FGF12: variants seen among roughly 807,000 people sequenced by gnomAD.
FGF12 encodes the protein fibroblast growth factor 12.
FGF12 carries 14 observed loss-of-function variants against 23.6 expected under a neutral mutation model. That is an observed-to-expected ratio of 0.59 (90% CI 0.39 to 0.93). The LOEUF (loss-of-function observed/expected upper bound fraction) is 0.93. Ranked by LOEUF, FGF12 falls within the 40% of genes least tolerant of loss-of-function variation. The pLI is 0.00. For missense variants in FGF12, 175 were observed against 217.8 expected (o/e 0.80, Z 1.24); for synonymous variants, 62 against 77.3 (o/e 0.80, Z 1.04).
In FGF12 at chr3:192,258,658, A is replaced by G. The variant is rs13077148; in HGVS notation, c.228+76703T>C. ...GATTTAAAGGTTTTTGAAGCATTTT[A>G]TTTTTATACTATTAAAGAAAGTATA... is the stretch of plus-strand genomic sequence containing the variant. On this transcript the variant is annotated intron_variant, in intron 4 of 5. Coordinates refer to ENST00000445105, the MANE Select transcript of FGF12 (RefSeq NM_004113.6). Among the ~76,000 whole-genome samples, 2,464 of 152,212 alleles carry G rather than the reference A, an allele frequency of 0.016. 208 individuals are homozygous for G. In the East Asian group the frequency reaches 0.23, roughly 14 times the overall value.
intron 5 of FGF12, among the ~76,000 whole-genome samples, chr3:192,167,772 A>AAAAT (rs1715301623): frequency 6.5e-5 from 1 of 15,396 alleles, no homozygotes; most frequent in African/African-American, 2.2e-4. Flanking sequence ...TATATATAAA[A>AAAAT]TTTTTTTTTT....
At chr3:192,567,813 T>TTCTC (rs71635390) in intron 2 of FGF12, among the ~76,000 whole-genome samples, 1 of 145,994 alleles carries the variant, frequency 6.8e-6, no homozygotes, top group Non-Finnish European at 1.5e-5. Flanking sequence ...CTTTCTTTCT[T>TTCTC]TCTCTCTCTC....
At chr3:192,654,072 T>C (rs1000137862) in intron 2 of FGF12, among the ~76,000 whole-genome samples, 2 of 152,206 alleles carry the variant, frequency 1.3e-5, no homozygotes, top group Non-Finnish European at 2.9e-5. Flanking sequence ...ACTTCACAAA[T>C]ATTTAATGTT....
At chr3:192,297,709 G>A (rs750320866) in intron 4 of FGF12, among the ~76,000 whole-genome samples, 50 of 152,276 alleles carry the variant, frequency 3.3e-4, no homozygotes, top group Non-Finnish European at 3.4e-4. Flanking sequence ...GCAAGAAATG[G>A]TTTGGATAAG....
chr3:192,186,687 G>A (rs1481546147), intron 4 of FGF12, among the ~76,000 whole-genome samples: 1 of 151,896 alleles, frequency 6.6e-6, no homozygotes, highest in Non-Finnish European at 1.5e-5. Context: ...TCATGCTCTT[G>A]CAAAAAAATA....
At chr3:192,527,204 G>A (rs1008700417) in intron 2 of FGF12, among the ~76,000 whole-genome samples, 2 of 152,138 alleles carry the variant, frequency 1.3e-5, no homozygotes, top group East Asian at 3.8e-4. Flanking sequence ...GCTATGATAT[G>A]ACACAGCAAA....
At chr3:192,428,052 T>C (rs1318023429) in intron 2 of FGF12, among the ~76,000 whole-genome samples, 1 of 152,224 alleles carries the variant, frequency 6.6e-6, no homozygotes, top group East Asian at 1.9e-4. Flanking sequence ...TTGGGTCAGG[T>C]AGAAAATGCT....
At chr3:192,427,238 G>A (rs932387851) in intron 2 of FGF12, among the ~76,000 whole-genome samples, 13 of 151,988 alleles carry the variant, frequency 8.6e-5, no homozygotes, top group Non-Finnish European at 1.5e-4. Context: ...AAAATTAGCC[G>A]GATGTGGTGG....
chr3:192,233,965 C>G (rs1259082085), intron 4 of FGF12, among the ~76,000 whole-genome samples: 1 of 152,064 alleles, frequency 6.6e-6, no homozygotes, highest in Non-Finnish European at 1.5e-5. Context: ...TTACTGTCAC[C>G]CTGTAATATA....
intron 4 of FGF12, among the ~76,000 whole-genome samples, chr3:192,204,197 A>G (rs1392437917): frequency 6.6e-6 from 1 of 152,168 alleles, no homozygotes; most frequent in African/African-American, 2.4e-5. Flanking sequence ...AGCCCCACAC[A>G]CGGCAGATCT....
At position 192,399,655 on chromosome 3, in the gene FGF12, A is replaced by G. The variant is rs573249097; in HGVS notation, c.14-39117T>C. ...ACAGGTTGGGGACTCTCAATATATGATGCATATTAGCATAGACTTTCTAGG... is the reference window on the plus strand; with the variant it reads ...ACAGGTTGGGGACTCTCAATATATGGTGCATATTAGCATAGACTTTCTAGG... On this transcript the variant is annotated intron_variant, in intron 2 of 5. Coordinates refer to ENST00000445105, the MANE Select transcript of FGF12 (RefSeq NM_004113.6). Among the ~76,000 whole-genome samples, 3 of 152,348 alleles carry G rather than the reference A, an allele frequency of 2.0e-5. No individual in the cohort carries two copies. In the East Asian group the frequency reaches 5.8e-4, roughly 29 times the overall value.
In FGF12 at chr3:192,412,785, A is replaced by G. The variant is rs761084050; in HGVS notation, c.14-52247T>C. Among the ~76,000 whole-genome samples, 93 of 152,340 alleles carry G rather than the reference A, an allele frequency of 6.1e-4. No homozygotes were observed. In the Middle Eastern group the frequency reaches 0.014, roughly 22 times the overall value. On this transcript the variant is annotated intron_variant, in intron 2 of 5. Transcript: ENST00000445105. ...CTAAATCTCATAAGTCTTTCTCCAC[A>G]GTTACTCGTACATTTCCAATATCTT...
intron 4 of FGF12, among the ~76,000 whole-genome samples, chr3:192,272,690 A>G (rs1018136010): frequency 6.6e-6 from 1 of 152,154 alleles, no homozygotes; most frequent in Non-Finnish European, 1.5e-5. Context: ...AACTTGCTTG[A>G]TTTTTCCCTG....
intron 3 of FGF12, among the ~76,000 whole-genome samples, chr3:192,337,826 A>T (rs1241551887): frequency 6.6e-6 from 1 of 152,186 alleles, no homozygotes; most frequent in Non-Finnish European, 1.5e-5. Context: ...CCATAAGACT[A>T]TTGTAAAAAC....
chr3:192,278,646 G>A (rs1416389215), intron 4 of FGF12, among the ~76,000 whole-genome samples: 2 of 152,190 alleles, frequency 1.3e-5, no homozygotes, highest in Non-Finnish European at 2.9e-5. Flanking sequence ...AAGAGGAAAC[G>A]AGGCTTTAAT....
intron 2 of FGF12, among the ~76,000 whole-genome samples, chr3:192,649,247 CGCCACA>C (rs1238753278): frequency 1.3e-5 from 2 of 152,090 alleles, no homozygotes; most frequent in African/African-American, 4.8e-5. Context: ...GAGGATTGAT[CGCCACA>C]GCCAAAACCT....
At chr3:192,359,184 A>G (rs1286571700) in intron 3 of FGF12, among the ~76,000 whole-genome samples, 6 of 152,238 alleles carry the variant, frequency 3.9e-5, no homozygotes, top group Admixed American at 2.6e-4. Flanking sequence ...GAGAGCAAGA[A>G]AACTGAAATG....
intron 4 of FGF12, among the ~76,000 whole-genome samples, chr3:192,170,930 C>A (rs1039941787): frequency 3.3e-5 from 5 of 152,252 alleles, no homozygotes; most frequent in Non-Finnish European, 5.9e-5. Context: ...CAAGTCTGCG[C>A]TCCGATCCTA....
chr3:192,319,473 T>A (rs1167969023), intron 4 of FGF12, among the ~76,000 whole-genome samples: 1 of 152,054 alleles, frequency 6.6e-6, no homozygotes, highest in Non-Finnish European at 1.5e-5. Flanking sequence ...GGTGCATGCC[T>A]GTAATCCCAG....
Sources: allele counts gnomAD v4.1 joint callset (sites outside exome capture counted in the v4.1 genomes callset), GRCh38; gene constraint gnomAD v4.1.1; transcripts MANE v1.5; gene names NCBI Gene and HGNC (gene_info 2026-07-23, HGNC 2026-07-21).